Variants in SORCS3 observed in about 807,000 individuals in gnomAD.
SORCS3 encodes the protein VPS10 domain-containing receptor SorCS3.
Under a neutral mutation model 146.3 loss-of-function variants are expected in SORCS3, and 57 were observed. That is an observed-to-expected ratio of 0.39 (90% CI 0.31 to 0.49). The LOEUF (loss-of-function observed/expected upper bound fraction) is 0.49, where lower values mean the gene tolerates loss of function less well. SORCS3 is among the 20% of genes least tolerant of loss of function. SORCS3 has a pLI of 0.92. For synonymous variants in SORCS3, 653 were observed against 618.5 expected (o/e 1.06, Z -0.83); for missense variants, 1,341 against 1,575.5 (o/e 0.85, Z 2.52).
At chr10:104,982,575 A>T (rs1050811938) in intron 4 of SORCS3, among the ~76,000 whole-genome samples, 3 of 152,188 alleles carry the variant, frequency 2.0e-5, no homozygotes, top group African/African-American at 2.4e-5. Flanking sequence ...AAAGAAAAAC[A>T]TTGCATTTTT....
chr10:104,664,153 TG>T (rs1432461504), intron 1 of SORCS3, among the ~76,000 whole-genome samples: 1 of 152,084 alleles, frequency 6.6e-6, no homozygotes, highest in African/African-American at 2.4e-5. Flanking sequence ...CAGGCTGTCT[TG>T]GGGTGACGTT....
intron 4 of SORCS3, among the ~76,000 whole-genome samples, chr10:104,986,035 G>A (rs1374452836): frequency 1.3e-5 from 2 of 152,192 alleles, no homozygotes; most frequent in African/African-American, 4.8e-5. Context: ...TCCGTCCTTT[G>A]AAGCTTTGAA....
chr10:104,837,378 T>TAC (rs2018082634), intron 1 of SORCS3, among the ~76,000 whole-genome samples: 1 of 152,212 alleles, frequency 6.6e-6, no homozygotes, highest in African/African-American at 2.4e-5. Context: ...TTTCCAGCTA[T>TAC]ACACACACAC....
intron 20 of SORCS3, among the ~76,000 whole-genome samples, chr10:105,229,514 G>T (rs1309536549): frequency 6.6e-6 from 1 of 152,150 alleles, no homozygotes. Context: ...TGTAGGGAGG[G>T]ACTTTTTCCT....
chr10:105,197,959 T>G (rs186656726), intron 14 of SORCS3, among the ~76,000 whole-genome samples: 1 of 152,290 alleles, frequency 6.6e-6, no homozygotes, highest in East Asian at 1.9e-4. Context: ...AACAGAACCT[T>G]GCAGCGGACT....
intron 1 of SORCS3, among the ~76,000 whole-genome samples, chr10:104,772,273 G>C (rs2017258539): frequency 6.6e-6 from 1 of 152,194 alleles, no homozygotes; most frequent in South Asian, 2.1e-4. Context: ...TGCATCTGCA[G>C]GTCTCCCTGG....
chr10:105,000,741 G>C (rs1304716801), intron 4 of SORCS3, among the ~76,000 whole-genome samples: 1 of 152,098 alleles, frequency 6.6e-6, no homozygotes, highest in African/African-American at 2.4e-5. Context: ...CTCAGATAGT[G>C]GCCAACATAT....
chr10:104,858,068 A>T (rs1326942084), intron 2 of SORCS3, among the ~76,000 whole-genome samples: 3 of 152,220 alleles, frequency 2.0e-5, no homozygotes, highest in African/African-American at 4.8e-5. Context: ...TAAAGGGTTC[A>T]TCTGTGAAAT....
intron 20 of SORCS3, 56 bp downstream of exon 20, chr10:105,223,305 C>A: frequency 6.6e-7 from 1 of 1,508,480 alleles, no homozygotes; most frequent in Non-Finnish European, 8.9e-7. Flanking sequence ...CTCCTATGTT[C>A]CAGCTTTTAT....
chr10:104,664,290 G>A (rs1277455622), intron 1 of SORCS3, among the ~76,000 whole-genome samples: 3 of 152,178 alleles, frequency 2.0e-5, no homozygotes, highest in African/African-American at 4.8e-5. Flanking sequence ...GGGGCTTAAG[G>A]TGAAAATGAA....
At chr10:105,124,625 C>A (rs185576963) in intron 7 of SORCS3, among the ~76,000 whole-genome samples, 74 of 152,284 alleles carry the variant, frequency 4.9e-4, no homozygotes, top group African/African-American at 1.7e-3. Context: ...TCCCTCTCTG[C>A]ATTTCTTGGG....
At position 104,856,271 on chromosome 10, in the gene SORCS3, GTC is replaced by G. The variant is rs573415575; in HGVS notation, c.695+13428_695+13429del. The stretch of plus-strand genomic sequence containing the variant: ...CCTTCCAGGTGCCCCTAATTGGTTG[GTC>G]TCTCTCTCTCTCTCTACATATATAT... On this transcript the variant is annotated intron_variant, in intron 2 of 26. Transcript: ENST00000369701. Among the ~76,000 whole-genome samples, 480 of 148,312 alleles carry G rather than the reference GTC, an allele frequency of 3.2e-3. 2 individuals carry two copies. The highest frequency in any genetic ancestry group is 0.018 in the South Asian group (87 of 4,734).
intron 1 of SORCS3, among the ~76,000 whole-genome samples, chr10:104,652,296 G>A (rs942085220): frequency 1.3e-5 from 2 of 151,942 alleles, no homozygotes; most frequent in African/African-American, 2.4e-5. Context: ...ATTCAGTTTC[G>A]TCACCTATAA....
intron 1 of SORCS3, among the ~76,000 whole-genome samples, chr10:104,718,050 G>A (rs1032655135): frequency 6.6e-6 from 1 of 152,172 alleles, no homozygotes. Context: ...GGAGACTGCG[G>A]CAGGAGAATC....
At chr10:104,881,240 G>A (rs2018627531) in intron 2 of SORCS3, among the ~76,000 whole-genome samples, 1 of 152,108 alleles carries the variant, frequency 6.6e-6, no homozygotes, top group Admixed American at 6.6e-5. Flanking sequence ...TACAAATATG[G>A]GTGAGTGCAT....
chr10:104,696,081 ATACACATATATAATATATCATAT>A (rs1383575998), intron 1 of SORCS3, among the ~76,000 whole-genome samples: 1 of 18,456 alleles, frequency 5.4e-5, no homozygotes, highest in Non-Finnish European at 1.5e-4. Flanking sequence ...TATATATCAT[ATACACATATATAATATATCATAT>A]ACACATATTA....
At chr10:104,769,545 T>C (rs2017222981) in intron 1 of SORCS3, among the ~76,000 whole-genome samples, 1 of 152,152 alleles carries the variant, frequency 6.6e-6, no homozygotes. Flanking sequence ...CAGCATCTGA[T>C]GGAAGAAGCT....
chr10:104,727,155 T>C (rs2016645720), intron 1 of SORCS3, among the ~76,000 whole-genome samples: 1 of 152,246 alleles, frequency 6.6e-6, no homozygotes, highest in Non-Finnish European at 1.5e-5. Context: ...AGGACTTTCA[T>C]GTGGTAGATG....
Position 105,223,197 on chromosome 10 carries a change from C to T in SORCS3, c.2816C>T (p.Pro939Leu). The T allele has an allele frequency of 1.2e-6, 2 of 1,613,096 alleles. No homozygotes were observed. Among genetic ancestry groups the T allele is most frequent in the Non-Finnish European group, 1.7e-6 (2 of 1,179,366 alleles). ...KEVNISAVVW[P>L]SQLGTLTYFW... ...GTCAACATCAGTGCAGTCGTGTGGC[C>T]CAGTCAACTGGGGACCCTTACCTAT... The change falls in exon 20 of 27, where the codon CCC (proline) becomes CTC (leucine). Residue 939 changes from proline to leucine, a missense_variant. Transcript: ENST00000369701.
Sources: allele counts gnomAD v4.1 joint callset (sites outside exome capture counted in the v4.1 genomes callset), GRCh38; gene constraint gnomAD v4.1.1; transcripts MANE v1.5; gene names NCBI Gene and HGNC (gene_info 2026-07-23, HGNC 2026-07-21).